The following METTL21C variants were observed in gnomAD, a reference collection of about 807,000 sequenced individuals.
METTL21C encodes the protein protein-lysine methyltransferase METTL21C.
A neutral mutation model predicts 25.9 loss-of-function variants in METTL21C; 21 were observed. The observed-to-expected ratio is 0.81, with a 90% CI of 0.58 to 1.17. METTL21C has a LOEUF of 1.17. METTL21C is among the 50% of genes most tolerant of loss of function. The probability of loss-of-function intolerance (pLI) is 0.00; values close to 1 mark genes in which losing one functional copy is unlikely to be tolerated. For synonymous variants in METTL21C, 125 were observed against 124.7 expected, an observed-to-expected ratio of 1.00 and a Z score of -0.01; for missense variants, 312 against 315.1, an observed-to-expected ratio of 0.99 and a Z score of 0.07.
rs55715774 is a variant in METTL21C at position 102,694,900 on chromosome 13, T to TCA, written c.-404_-403dup. Among the ~76,000 whole-genome samples the TCA allele has an allele frequency of 0.11, 14,960 of 135,426 alleles. 843 individuals are homozygous for TCA. Among genetic ancestry groups the TCA allele is most frequent in the East Asian group, 0.23 (1,059 of 4,582 alleles). 88.8% of individuals were successfully genotyped at this position (135,426 alleles called of 152,430 possible). A position where few individuals can be genotyped will look rare whatever the true frequency, so the allele number is the denominator to read the frequency against. On this transcript the variant is annotated 5_prime_UTR_variant, in exon 1 of 4. It removes the in-frame stop codon of an upstream open reading frame in the 5' UTR. Transcript: ENST00000267273. ...CTCTCTCTCTCTCTCTCTCTCTCTC[T>TCA]CACACACACACACACACACACACAC...
chr13:102,691,644 C>G (rs12428393), intron 1 of METTL21C, among the ~76,000 whole-genome samples: 34,784 of 152,088 alleles, frequency 0.23, 4,200 homozygotes, highest in African/African-American at 0.29. Flanking sequence ...CACCACGCCC[C>G]GCCAGACCTG....
At chr13:102,689,374 A>G (rs542590252) in intron 2 of METTL21C, among the ~76,000 whole-genome samples, 1 of 152,348 alleles carries the variant, frequency 6.6e-6, no homozygotes, top group South Asian at 2.1e-4. Flanking sequence ...AGGAAATTAT[A>G]TGCATAAGGT....
chr13:102,700,781 G>A, the METTL21C span, among the ~76,000 whole-genome samples: 1 of 152,270 alleles, frequency 6.6e-6, no homozygotes, highest in Middle Eastern at 3.4e-3. Flanking sequence ...CTGAGGAGGG[G>A]CAAGGATGCC....
chr13:102,696,133 G>T (rs556985912), upstream of METTL21C, among the ~76,000 whole-genome samples: 15 of 151,992 alleles, frequency 9.9e-5, 1 homozygote, highest in South Asian at 2.9e-3. Flanking sequence ...TACTGAAAAT[G>T]TGACTTGATA....
At chr13:102,695,110 C>T (rs1885926206), upstream of METTL21C, among the ~76,000 whole-genome samples, 1 of 152,084 alleles carries the variant, frequency 6.6e-6, no homozygotes, top group Non-Finnish European at 1.5e-5. Flanking sequence ...AAATTTTGTG[C>T]TCATTTGCCA....
Position 102,686,092 on chromosome 13 carries a change from AGT to A in METTL21C, c.732_733del (p.Leu245ValfsTer3), listed in dbSNP as rs774628868. Reference sequence around the variant, plus strand: ...TGATGACTCTGGATATTCAGCCAACAGTGTTGTGTCAAAAACTTGCTTGAATT... The same window carrying A: ...TGATGACTCTGGATATTCAGCCAACAGTTGTGTCAAAAACTTGCTTGAATT... On this transcript the variant is annotated frameshift_variant, in exon 4 of 4. Coordinates refer to ENST00000267273, the MANE Select transcript of METTL21C (RefSeq NM_001010977.3). LOFTEE classifies it high-confidence loss of function. The A allele has an allele frequency of 6.2e-7, 1 of 1,612,644 alleles. No individual in the cohort carries two copies.
rs35764047 is a variant in METTL21C at position 102,692,262 on chromosome 13, A to G, written c.131-1298T>C. Among the ~76,000 whole-genome samples the G allele has an allele frequency of 9.3e-3, 1,405 of 151,112 alleles. 7 individuals carry two copies. Among genetic ancestry groups the G allele is most frequent in the Non-Finnish European group, 0.015 (1,050 of 67,814 alleles). On this transcript the variant is annotated intron_variant, in intron 1 of 3. Transcript: ENST00000267273. ...GGCAAAGGGAAGTGGGTCTTGGGAGAAACCTGGTCAGCAGGGCATCCCTCA... is the reference window on the plus strand; with the variant it reads ...GGCAAAGGGAAGTGGGTCTTGGGAGGAACCTGGTCAGCAGGGCATCCCTCA...
the METTL21C span, among the ~76,000 whole-genome samples, chr13:102,701,152 C>A: frequency 0.032 from 4,856 of 152,002 alleles, 103 homozygotes; most frequent in Middle Eastern, 0.068. Context: ...GAGACGTTCT[C>A]CCATGAGGCC....
the METTL21C span, among the ~76,000 whole-genome samples, chr13:102,704,173 C>T: frequency 2.0e-5 from 3 of 152,160 alleles, no homozygotes; most frequent in South Asian, 2.1e-4. Flanking sequence ...AACGTCAGAG[C>T]GCTCACCTCA....
In METTL21C at chr13:102,686,174, C is replaced by A. The variant is rs774298899; in HGVS notation, c.652G>T (p.Val218Leu). Residue 218 changes from valine (V) to leucine (L), a missense_variant, in exon 4 of 4, where the codon GTG becomes TTG. Physicochemically the swap from Val to Leu is conservative, Grantham distance 32. Transcript: ENST00000267273. ...TMVYLSQPGTVLLWANKFRFS... is the reference protein window; with the variant it reads ...TMVYLSQPGTLLLWANKFRFS... ...CTGAATTTGTTTGCCCAAAGCAGCACCGTCCCTGGCTGGGAAAGGTACACC... is the reference window on the plus strand; with the variant it reads ...CTGAATTTGTTTGCCCAAAGCAGCAACGTCCCTGGCTGGGAAAGGTACACC... 3 of 1,614,182 alleles carry A rather than the reference C, an allele frequency of 1.9e-6. No individual in the cohort carries two copies. The highest frequency in any genetic ancestry group is 2.5e-6 in the Non-Finnish European group (3 of 1,180,032).
rs1885673583 is a variant in METTL21C at position 102,686,376 on chromosome 13, T to C, written c.450A>G (p.Gln150=). Residue 150 remains glutamine (Q), a synonymous_variant, in exon 4 of 4, where the codon CAA becomes CAG. Coordinates refer to ENST00000267273, the MANE Select transcript of METTL21C (RefSeq NM_001010977.3). The part of the protein sequence containing the change: ...TDLPDVLGNL[Q]YNLLKNTLQC... ...GTAGTGTGTTTTTTAAAAGATTGTA[T>C]TGAAGGTTTCCCAGGACATCAGGCA... 1 of 1,614,040 alleles carries C rather than the reference T, an allele frequency of 6.2e-7. No individual in the cohort carries two copies.
chr13:102,700,556 G>A, the METTL21C span, among the ~76,000 whole-genome samples: 14 of 152,168 alleles, frequency 9.2e-5, no homozygotes, highest in Non-Finnish European at 1.3e-4. Context: ...TTAATTACAC[G>A]GAGGAACGCT....
upstream of METTL21C, among the ~76,000 whole-genome samples, chr13:102,696,371 G>A (rs777561734): frequency 2.1e-4 from 32 of 151,618 alleles, no homozygotes; most frequent in Non-Finnish European, 4.0e-4. Flanking sequence ...TCAGGGGGTG[G>A]GGGACTTAGG....
chr13:102,687,079 T>G (rs778409556), intron 2 of METTL21C, 22 bp from the exon 3 acceptor site: 59 of 1,583,272 alleles, frequency 3.7e-5, no homozygotes, highest in South Asian at 3.3e-5. Flanking sequence ...TTATAACTTT[T>G]CATGTGGGCA....
the METTL21C span, among the ~76,000 whole-genome samples, chr13:102,701,435 T>C: frequency 6.6e-6 from 1 of 152,158 alleles, no homozygotes; most frequent in African/African-American, 2.4e-5. Flanking sequence ...GCAAAGTATT[T>C]GGGTGGAGAA....
intron 2 of METTL21C, among the ~76,000 whole-genome samples, chr13:102,687,525 A>G (rs527435066): frequency 3.4e-4 from 52 of 152,350 alleles, no homozygotes; most frequent in African/African-American, 1.2e-3. Flanking sequence ...CTCCTTTACC[A>G]AAATTCAGGT....
intron 1 of METTL21C, among the ~76,000 whole-genome samples, chr13:102,693,512 C>T (rs1323570266): frequency 6.6e-6 from 1 of 152,142 alleles, no homozygotes; most frequent in Non-Finnish European, 1.5e-5. Context: ...TTATTTTTCT[C>T]TAGAGACTAG....
At chr13:102,688,782 G>A (rs1885746886) in intron 2 of METTL21C, among the ~76,000 whole-genome samples, 3 of 152,206 alleles carry the variant, frequency 2.0e-5, no homozygotes, top group Admixed American at 6.5e-5. Context: ...CTGGTGCCCT[G>A]CCCTGTGAGG....
At chr13:102,698,529 C>T (rs562883702), upstream of METTL21C, among the ~76,000 whole-genome samples, 3 of 152,154 alleles carry the variant, frequency 2.0e-5, no homozygotes, top group African/African-American at 7.2e-5. Flanking sequence ...TCCTACATGC[C>T]ACTAAAACCA....
Sources: gnomAD v4.1 joint callset for allele counts (sites outside exome capture counted in the v4.1 genomes callset) on GRCh38, gnomAD v4.1.1 for gene constraint, MANE v1.5 for transcripts, NCBI Gene and HGNC (gene_info 2026-07-23, HGNC 2026-07-21) for gene names.